ESRRG: variants seen among roughly 807,000 people sequenced by gnomAD.
ESRRG encodes estrogen-related receptor gamma.
A neutral mutation model predicts 44.0 loss-of-function variants in ESRRG; 13 were observed. The observed-to-expected ratio is 0.30, with a 90% confidence interval of 0.19 to 0.47. The LOEUF is 0.47. Among genes scored for constraint, ESRRG ranks in the 20% least tolerant of loss-of-function variants. The pLI is 1.00. For synonymous variants in ESRRG, 215 were observed against 214.6 expected (o/e 1.00, Z -0.02); for missense variants, 395 against 580.6 (o/e 0.68, Z 3.29).
upstream of ESRRG, among the ~76,000 whole-genome samples, chr1:216,728,002 T>A (rs752296086): frequency 3.3e-5 from 5 of 152,148 alleles, no homozygotes; most frequent in Non-Finnish European, 5.9e-5. Context: ...AAACTAATAA[T>A]ACACATGGTG....
At chr1:216,785,972 G>A (rs1345757395) in intron 2 of ESRRG, among the ~76,000 whole-genome samples, 2 of 152,018 alleles carry the variant, frequency 1.3e-5, no homozygotes, top group Admixed American at 6.6e-5. Context: ...CACATCGCAC[G>A]CCTAGATCAT....
In ESRRG at chr1:216,598,167, T is replaced by C. The variant is rs543357374; in HGVS notation, c.590-30069A>G. On this transcript the variant is annotated intron_variant, in intron 3 of 6. Transcript: ENST00000408911. ...TCTAAAGACCAATAGTTCAATTTAA[T>C]CCTCCATTTATATTGTTTTATAGGA... Among the ~76,000 whole-genome samples the C allele has an allele frequency of 9.9e-5, 15 of 152,276 alleles. No homozygotes were observed. The South Asian group carries it at 3.1e-3, about 32-fold the overall frequency.
At position 216,506,523 on chromosome 1, in the gene ESRRG, T is replaced by C. The variant is rs2041242273; in HGVS notation, c.*416A>G. On this transcript the variant is annotated 3_prime_UTR_variant, in exon 7 of 7. Coordinates refer to ENST00000408911, the MANE Select transcript of ESRRG (RefSeq NM_001438.4). ...GGAAAGGGGGAAGGGAGGATTTTTT[T>C]TTAAACTAAAGCTATTTCAAATTTA... 2.4e-6 allele frequency: 1 copy of C among 408,740 alleles called. No individual in the cohort carries two copies. The highest frequency in any genetic ancestry group is 2.1e-5 in the African/African-American group (1 of 47,140). The allele number at this position is 408,740 out of a possible 1,614,324, so 25.3% of individuals were successfully genotyped here. A position where few individuals can be genotyped will look rare whatever the true frequency, so the allele number is the denominator to read the frequency against.
chr1:217,067,210 C>T (rs2151417607), intron 1 of ESRRG, among the ~76,000 whole-genome samples: 1 of 152,302 alleles, frequency 6.6e-6, no homozygotes, highest in Middle Eastern at 3.4e-3. Context: ...TTACTGTGTA[C>T]TGTGTCTGTG....
intron 1 of ESRRG, among the ~76,000 whole-genome samples, chr1:217,058,660 G>T (rs535750573): frequency 6.6e-6 from 1 of 152,144 alleles, no homozygotes; most frequent in South Asian, 2.1e-4. Flanking sequence ...ACTAGTATTA[G>T]TATTGTCCTC....
intron 1 of ESRRG, among the ~76,000 whole-genome samples, chr1:217,112,807 G>A (rs755125315): frequency 1.3e-5 from 2 of 152,172 alleles, no homozygotes; most frequent in Non-Finnish European, 2.9e-5. Flanking sequence ...GGTTTAAAGG[G>A]ATGCCCCACA....
chr1:216,913,178 G>C (rs2060703403), intron 2 of ESRRG, among the ~76,000 whole-genome samples: 3 of 148,714 alleles, frequency 2.0e-5, no homozygotes, highest in Admixed American at 2.0e-4. Flanking sequence ...AAATTGAATA[G>C]TTGCATCTCT....
chr1:216,936,444 A>C (rs1167578440), intron 2 of ESRRG, among the ~76,000 whole-genome samples: 1 of 152,028 alleles, frequency 6.6e-6, no homozygotes, highest in Non-Finnish European at 1.5e-5. Context: ...AATGACCACC[A>C]TTTGGATGTT....
At chr1:217,039,845 G>GT (rs989165380) in intron 1 of ESRRG, among the ~76,000 whole-genome samples, 1 of 151,880 alleles carries the variant, frequency 6.6e-6, no homozygotes. Context: ...ACTGGCTTTT[G>GT]TTTTTTCCAC....
At chr1:216,523,971 G>A (rs920100343) in intron 5 of ESRRG, among the ~76,000 whole-genome samples, 6 of 151,884 alleles carry the variant, frequency 4.0e-5, no homozygotes, top group South Asian at 2.1e-4. Context: ...GCAATGCAAC[G>A]TAAGCTAGAT....
chr1:216,975,882 A>T (rs1266407149), intron 1 of ESRRG, among the ~76,000 whole-genome samples: 1 of 152,162 alleles, frequency 6.6e-6, no homozygotes, highest in African/African-American at 2.4e-5. Flanking sequence ...GAAGGAAGAG[A>T]TCCCAGGACA....
At chr1:216,763,243 G>A (rs1048362007) in intron 2 of ESRRG, among the ~76,000 whole-genome samples, 14 of 148,886 alleles carry the variant, frequency 9.4e-5, no homozygotes, top group Middle Eastern at 3.4e-3. Flanking sequence ...TGTCTGGAGT[G>A]TATTTTCAGG....
intron 2 of ESRRG, among the ~76,000 whole-genome samples, chr1:216,782,651 C>T (rs2093977506): frequency 6.6e-6 from 1 of 151,948 alleles, no homozygotes; most frequent in South Asian, 2.1e-4. Flanking sequence ...TAAAAGAATG[C>T]AAGTTCCACT....
chr1:217,070,420 C>T (rs978759890), intron 1 of ESRRG, among the ~76,000 whole-genome samples: 1 of 150,980 alleles, frequency 6.6e-6, no homozygotes, highest in Non-Finnish European at 1.5e-5. Flanking sequence ...CTCACACTAT[C>T]GCCCAGGCTG....
At chr1:216,996,513 G>A (rs1377837776) in intron 1 of ESRRG, among the ~76,000 whole-genome samples, 1 of 151,958 alleles carries the variant, frequency 6.6e-6, no homozygotes, top group African/African-American at 2.4e-5. Context: ...GCATACTGGG[G>A]GCCTTATTTT....
At chr1:216,683,437 T>C (rs1333606425) in intron 1 of ESRRG, among the ~76,000 whole-genome samples, 1 of 152,202 alleles carries the variant, frequency 6.6e-6, no homozygotes, top group Non-Finnish European at 1.5e-5. Context: ...CTTGATTCTT[T>C]GAACAAATAA....
chr1:217,081,400 T>C (rs974006524), intron 1 of ESRRG, among the ~76,000 whole-genome samples: 4 of 151,858 alleles, frequency 2.6e-5, no homozygotes, highest in Admixed American at 6.6e-5. Flanking sequence ...GCTGATTTTG[T>C]ATTTTTAGTA....
At chr1:216,733,132 T>C (rs2152137050) in intron 2 of ESRRG, among the ~76,000 whole-genome samples, 1 of 152,302 alleles carries the variant, frequency 6.6e-6, no homozygotes, top group Admixed American at 6.5e-5. Flanking sequence ...GATTCCCTTG[T>C]TAATAAAATA....
intron 1 of ESRRG, among the ~76,000 whole-genome samples, chr1:216,985,374 C>A (rs767281052): frequency 6.6e-6 from 1 of 152,152 alleles, no homozygotes; most frequent in Non-Finnish European, 1.5e-5. Flanking sequence ...ATGCTGGAAG[C>A]TTTACCCTCC....
Sources: allele counts gnomAD v4.1 joint callset (sites outside exome capture counted in the v4.1 genomes callset), GRCh38; gene constraint gnomAD v4.1.1; transcripts MANE v1.5; gene names NCBI Gene and HGNC (gene_info 2026-07-23, HGNC 2026-07-21).